Variants in SERPINE2 observed in about 807,000 individuals in gnomAD.
SERPINE2 encodes glia-derived nexin.
A neutral mutation model predicts 36.3 loss-of-function variants in SERPINE2; 14 were observed. That is an observed-to-expected ratio of 0.39 (90% CI 0.25 to 0.60). The LOEUF is 0.60. Among genes scored for constraint, SERPINE2 ranks in the 20% least tolerant of loss-of-function variants. The pLI, the probability that SERPINE2 is intolerant of heterozygous loss-of-function variation, is 0.57. For missense variants in SERPINE2, 418 were observed against 499.6 expected, an observed-to-expected ratio of 0.84 and a Z score of 1.56; for synonymous variants, 192 against 191.8, an observed-to-expected ratio of 1.00 and a Z score of -0.01.
intron 1 of SERPINE2, among the ~76,000 whole-genome samples, chr2:224,024,466 T>C (rs1204872641): frequency 6.6e-6 from 1 of 152,192 alleles, no homozygotes; most frequent in Non-Finnish European, 1.5e-5. Flanking sequence ...GCTAATGCCT[T>C]GTGAAGGGAT....
chr2:224,008,354 T>C (rs776940956), intron 1 of SERPINE2, among the ~76,000 whole-genome samples: 2 of 152,248 alleles, frequency 1.3e-5, no homozygotes, highest in Non-Finnish European at 2.9e-5. Context: ...ATCAACTACT[T>C]GGTTGCCCTG....
chr2:224,002,230 G>A (rs533554064), intron 1 of SERPINE2, among the ~76,000 whole-genome samples: 9 of 152,250 alleles, frequency 5.9e-5, no homozygotes, highest in Admixed American at 3.9e-4. Flanking sequence ...GCCTGACTCA[G>A]CCTCCCAAAG....
chr2:224,022,297 G>A lies in SERPINE2; in HGVS notation c.-23+16802C>T, dbSNP rs1303140965. 3.1e-4 allele frequency among the ~76,000 whole-genome samples: 43 copies of A among 137,790 alleles called. 1 individual carries two copies. The highest frequency in any genetic ancestry group is 1.1e-3 in the African/African-American group (39 of 36,800). The allele number at this position is 137,790 out of a possible 152,430, so 90.4% of individuals were successfully genotyped here. A position where few individuals can be genotyped will look rare whatever the true frequency, so the allele number is the denominator to read the frequency against. On this transcript the variant is annotated intron_variant, in intron 1 of 8. Transcript: ENST00000409304. ...CAGTGAGCCCAGATCACACCACTGTGCTCTAGCCTGGGTGATAGAGTGAGA... is the reference window on the plus strand; with the variant it reads ...CAGTGAGCCCAGATCACACCACTGTACTCTAGCCTGGGTGATAGAGTGAGA...
chr2:223,997,163 G>C (rs116480580), intron 3 of SERPINE2, among the ~76,000 whole-genome samples: 2 of 152,076 alleles, frequency 1.3e-5, no homozygotes, highest in African/African-American at 4.8e-5. Context: ...AGCTCCTCCT[G>C]CATGTTTCCA....
chr2:224,014,980 G>C (rs1410834643), intron 1 of SERPINE2, among the ~76,000 whole-genome samples: 1 of 151,858 alleles, frequency 6.6e-6, no homozygotes, highest in Non-Finnish European at 1.5e-5. Flanking sequence ...ACTATCTGAA[G>C]ACATTTTTTT....
At chr2:224,026,194 C>T (rs1692176103) in intron 1 of SERPINE2, among the ~76,000 whole-genome samples, 2 of 152,186 alleles carry the variant, frequency 1.3e-5, no homozygotes, top group African/African-American at 4.8e-5. Context: ...GGCTGGGTCG[C>T]CAAATCACCA....
At chr2:224,037,917 G>T (rs976043947) in intron 1 of SERPINE2, among the ~76,000 whole-genome samples, 1 of 152,168 alleles carries the variant, frequency 6.6e-6, no homozygotes. Flanking sequence ...AAATTTGGGG[G>T]TTAAAAGAAA....
chr2:223,991,305 GA>G (rs1471777245), intron 4 of SERPINE2, among the ~76,000 whole-genome samples: 1 of 152,176 alleles, frequency 6.6e-6, no homozygotes, highest in African/African-American at 2.4e-5. Context: ...GGACCCCGAG[GA>G]AGTCCTCGGA....
chr2:224,014,407 A>G (rs1691728219), intron 1 of SERPINE2, among the ~76,000 whole-genome samples: 2 of 152,192 alleles, frequency 1.3e-5, no homozygotes, highest in African/African-American at 2.4e-5. Flanking sequence ...GAAAAATTCC[A>G]GGGAGAACCA....
At chr2:223,997,969 G>A in intron 3 of SERPINE2, 146 bp downstream of exon 3, 1 of 657,676 alleles carries the variant, frequency 1.5e-6, no homozygotes. Flanking sequence ...GGGAAGGAGG[G>A]AGACTGAATA....
At chr2:224,017,481 G>A (rs1691837976) in intron 1 of SERPINE2, among the ~76,000 whole-genome samples, 1 of 152,096 alleles carries the variant, frequency 6.6e-6, no homozygotes, top group Admixed American at 6.5e-5. Flanking sequence ...GTTTTAGGGT[G>A]CTTGCATAAT....
chr2:224,006,537 CTG>C (rs1574834636), intron 1 of SERPINE2, among the ~76,000 whole-genome samples: 4 of 152,032 alleles, frequency 2.6e-5, no homozygotes, highest in Non-Finnish European at 5.9e-5. Flanking sequence ...TCCTATTTGC[CTG>C]TCTCATTTTA....
rs375555387 is a variant in SERPINE2, at chr2:224,013,405, C to T, written c.-22-11483G>A. ...CCTTTCTGGGGTGACTTGCACAGGG[C>T]GGTTTGGAGACCTAATGCAGTGTTC... On this transcript the variant is annotated intron_variant, in intron 1 of 8. Transcript: ENST00000409304. Among the ~76,000 whole-genome samples the T allele has an allele frequency of 4.4e-3, 675 of 152,296 alleles. 8 individuals carry two copies. Among genetic ancestry groups the T allele is most frequent in the South Asian group, 0.025 (122 of 4,818 alleles).
At chr2:223,998,468 A>G in intron 2 of SERPINE2, 126 bp from the exon 3 acceptor site, 1 of 667,650 alleles carries the variant, frequency 1.5e-6, no homozygotes, top group Non-Finnish European at 2.6e-6. Flanking sequence ...CTGTAATCCC[A>G]GCAATTTGAG....
intron 2 of SERPINE2, among the ~76,000 whole-genome samples, chr2:224,000,511 GTATCTATC>G (rs565002360): frequency 6.6e-6 from 1 of 151,932 alleles, no homozygotes; most frequent in Non-Finnish European, 1.5e-5. Flanking sequence ...CTCTCTCTAC[GTATCTATC>G]TATCTATCTG....
intron 7 of SERPINE2, chr2:223,979,217 T>C (rs1690127837): frequency 6.6e-6 from 1 of 152,174 alleles, no homozygotes; most frequent in African/African-American, 2.4e-5. Context: ...GAAATTCTTA[T>C]ACATTTTGAA....
intron 1 of SERPINE2, among the ~76,000 whole-genome samples, chr2:224,037,732 C>G (rs1204532417): frequency 6.6e-6 from 1 of 152,082 alleles, no homozygotes; most frequent in East Asian, 1.9e-4. Flanking sequence ...TGAAAATTAG[C>G]TTTTTTTGGA....
chr2:223,984,062 A>C (rs1690333145), intron 5 of SERPINE2, among the ~76,000 whole-genome samples: 1 of 151,986 alleles, frequency 6.6e-6, no homozygotes, highest in African/African-American at 2.4e-5. Flanking sequence ...AAGCTATTAG[A>C]ACTCTCCACT....
rs139753757 is a variant in SERPINE2 at position 223,995,991 on chromosome 2, T to C, written c.487+2124A>G. Among the ~76,000 whole-genome samples, 26 of 152,326 alleles carry C rather than the reference T, an allele frequency of 1.7e-4. 1 individual carries two copies. Among genetic ancestry groups the C allele is most frequent in the African/African-American group, 6.3e-4 (26 of 41,574 alleles). ...TCTCAAATTTTTAAAAATTTGTGTG[T>C]GTGCATAGAGTAATATGATGTATGA... On this transcript the variant is annotated intron_variant, in intron 3 of 8. Transcript: ENST00000409304.
Sources: gnomAD v4.1 joint callset for allele counts (sites outside exome capture counted in the v4.1 genomes callset) on GRCh38, gnomAD v4.1.1 for gene constraint, MANE v1.5 for transcripts, NCBI Gene and HGNC (gene_info 2026-07-23, HGNC 2026-07-21) for gene names.